Variants in GALNT1 observed in about 807,000 individuals in gnomAD.
GALNT1 encodes polypeptide N-acetylgalactosaminyltransferase 1.
In GALNT1, 17 loss-of-function variants were observed where a neutral mutation model predicts 65.7. The observed-to-expected ratio is 0.26, with a 90% CI of 0.18 to 0.39. GALNT1 has a LOEUF of 0.39. Ranked by LOEUF, GALNT1 falls within the 10% of genes least tolerant of loss-of-function variation. GALNT1 has a pLI of 1.00. For synonymous variants in GALNT1, 210 were observed against 219.7 expected (o/e 0.96, Z 0.39); for missense variants, 460 against 672.8 (o/e 0.68, Z 3.50).
intron 2 of GALNT1, among the ~76,000 whole-genome samples, chr18:35,657,852 A>G (rs1357243897): frequency 6.6e-6 from 1 of 152,188 alleles, no homozygotes; most frequent in Non-Finnish European, 1.5e-5. Flanking sequence ...AGTATACGGT[A>G]GTTACAAGAG....
intron 1 of GALNT1, among the ~76,000 whole-genome samples, chr18:35,588,304 T>C (rs1568011111): frequency 2.6e-5 from 4 of 152,206 alleles, no homozygotes; most frequent in Admixed American, 1.3e-4. Flanking sequence ...TCCACTGTCA[T>C]TCTAATAATT....
chr18:35,667,994 T>C (rs1343711153), intron 3 of GALNT1, among the ~76,000 whole-genome samples: 2 of 152,330 alleles, frequency 1.3e-5, no homozygotes, highest in East Asian at 3.9e-4. Flanking sequence ...GAAGAAAATA[T>C]GTTATCAAAG....
intron 7 of GALNT1, among the ~76,000 whole-genome samples, chr18:35,690,809 T>G (rs539545420): frequency 2.6e-5 from 4 of 152,332 alleles, no homozygotes; most frequent in African/African-American, 9.6e-5. Context: ...CAATGTCATA[T>G]ATGGTCTTTG....
At chr18:35,614,044 CTT>C (rs2144061374) in intron 1 of GALNT1, among the ~76,000 whole-genome samples, 1 of 152,298 alleles carries the variant, frequency 6.6e-6, no homozygotes, top group Non-Finnish European at 1.5e-5. Context: ...ACCAAAAACA[CTT>C]TATATAAACC....
At chr18:35,639,311 C>G (rs529687767) in intron 1 of GALNT1, among the ~76,000 whole-genome samples, 2 of 152,276 alleles carry the variant, frequency 1.3e-5, no homozygotes, top group South Asian at 2.1e-4. Flanking sequence ...AGGCAAGACC[C>G]TCCACCAGCA....
intron 3 of GALNT1, among the ~76,000 whole-genome samples, chr18:35,667,485 T>G (rs1189875968): frequency 6.6e-6 from 1 of 152,224 alleles, no homozygotes; most frequent in African/African-American, 2.4e-5. Context: ...TTATACCATT[T>G]TCACCCCTAA....
intron 11 of GALNT1, 30 bp from the exon 12 acceptor site, chr18:35,709,594 A>G: frequency 3.1e-6 from 5 of 1,610,002 alleles, no homozygotes; most frequent in South Asian, 2.2e-5. Context: ...GTTTTCTTCC[A>G]CTCTCATGTT....
rs1475365333 is a variant in GALNT1, at chr18:35,708,454, ATTTTG to A, written c.1534-1165_1534-1161del. On this transcript the variant is annotated intron_variant, in intron 11 of 11. Transcript: ENST00000269195. ...CTAAGTAGTTGTATACAATTATTAG[ATTTTG>A]TTTTAAGTTCTAATAGGTGCAAAAA... 4.6e-5 allele frequency among the ~76,000 whole-genome samples: 7 copies of A among 152,330 alleles called. No homozygotes were observed. The East Asian group carries it at 5.8e-4, about 13-fold the overall frequency.
At chr18:35,669,499 T>C (rs1273663672) in intron 3 of GALNT1, among the ~76,000 whole-genome samples, 1 of 152,188 alleles carries the variant, frequency 6.6e-6, no homozygotes, top group East Asian at 1.9e-4. Context: ...AATAAATTGG[T>C]TTATTCCAGA....
chr18:35,603,421 G>T (rs1387424604), intron 1 of GALNT1, among the ~76,000 whole-genome samples: 1 of 152,156 alleles, frequency 6.6e-6, no homozygotes, highest in Non-Finnish European at 1.5e-5. Context: ...GGTATTGCTG[G>T]TGATATTCTT....
intron 1 of GALNT1, among the ~76,000 whole-genome samples, chr18:35,627,926 G>T (rs756579227): frequency 1.6e-4 from 24 of 151,190 alleles, no homozygotes; most frequent in African/African-American, 5.8e-4. Context: ...ATTATATCCC[G>T]TGCCTGGCTC....
intron 1 of GALNT1, among the ~76,000 whole-genome samples, chr18:35,640,845 G>A (rs1242448017): frequency 1.3e-5 from 2 of 152,122 alleles, no homozygotes; most frequent in Non-Finnish European, 2.9e-5. Flanking sequence ...TTGGACAGCT[G>A]GTTATCCACA....
intron 2 of GALNT1, among the ~76,000 whole-genome samples, chr18:35,660,479 C>T (rs2047462863): frequency 6.6e-6 from 1 of 152,082 alleles, no homozygotes; most frequent in African/African-American, 2.4e-5. Flanking sequence ...GGAATAACAC[C>T]TTTGTCCCTC....
chr18:35,623,527 C>T lies in GALNT1; in HGVS notation c.-103-31033C>T, dbSNP rs138623971. On this transcript the variant is annotated intron_variant, in intron 1 of 11. Transcript: ENST00000269195. ...GTTTTTATCCTGTTTCCTCTGTTCT[C>T]TCCTTTTGCAACTCTGATTTCACAT... Among the ~76,000 whole-genome samples, 278 of 151,964 alleles carry T rather than the reference C, an allele frequency of 1.8e-3. 1 individual carries two copies. Among genetic ancestry groups the T allele is most frequent in the African/African-American group, 6.5e-3 (270 of 41,470 alleles).
chr18:35,699,985 C>T (rs764780264), intron 9 of GALNT1, among the ~76,000 whole-genome samples: 29 of 151,892 alleles, frequency 1.9e-4, no homozygotes, highest in Middle Eastern at 3.4e-3. Flanking sequence ...CTCATTTTCC[C>T]TTTCTCCAAA....
intron 11 of GALNT1, among the ~76,000 whole-genome samples, chr18:35,709,155 A>G (rs1487179675): frequency 2.0e-5 from 3 of 152,218 alleles, no homozygotes; most frequent in East Asian, 3.8e-4. Flanking sequence ...GAATCACAGA[A>G]TTAACTTGAA....
chr18:35,633,388 T>C (rs1355037347), intron 1 of GALNT1, among the ~76,000 whole-genome samples: 1 of 152,142 alleles, frequency 6.6e-6, no homozygotes, highest in Admixed American at 6.5e-5. Flanking sequence ...GTTCATGTCC[T>C]TTGTAGGGAC....
chr18:35,607,398 T>C (rs964203180), intron 1 of GALNT1, among the ~76,000 whole-genome samples: 4 of 152,142 alleles, frequency 2.6e-5, no homozygotes, highest in African/African-American at 9.7e-5. Context: ...CTTCCTTCTG[T>C]GATGCCTTAC....
At chr18:35,639,332 G>A (rs1017853798) in intron 1 of GALNT1, among the ~76,000 whole-genome samples, 2 of 152,148 alleles carry the variant, frequency 1.3e-5, no homozygotes, top group African/African-American at 4.8e-5. Flanking sequence ...AAAAAATTAC[G>A]ATTCGCTGAA....
Sources: gnomAD v4.1 joint callset for allele counts (sites outside exome capture counted in the v4.1 genomes callset) on GRCh38, gnomAD v4.1.1 for gene constraint, MANE v1.5 for transcripts, NCBI Gene and HGNC (gene_info 2026-07-23, HGNC 2026-07-21) for gene names.